TPX2: variants seen among roughly 807,000 people sequenced by gnomAD.
TPX2 encodes TPX2 microtubule nucleation factor, also known as targeting protein for Xklp2.
Under a neutral mutation model 93.6 loss-of-function variants are expected in TPX2, and 21 were observed. That is an observed-to-expected ratio of 0.22 (90% CI 0.16 to 0.32). The LOEUF (loss-of-function observed/expected upper bound fraction) is 0.32, where lower values mean the gene tolerates loss of function less well. TPX2 is among the 10% of genes least tolerant of loss of function. The probability of loss-of-function intolerance (pLI) is 1.00; values close to 1 mark genes in which losing one functional copy is unlikely to be tolerated. For missense variants in TPX2, 776 were observed against 871.1 expected (o/e 0.89, Z 1.37); for synonymous variants, 281 against 298.3 (o/e 0.94, Z 0.60).
intron 4 of TPX2, among the ~76,000 whole-genome samples, chr20:31,762,570 G>A (rs920653310): frequency 8.2e-4 from 124 of 152,094 alleles, no homozygotes; most frequent in African/African-American, 2.8e-3. Flanking sequence ...GGCTGGTCTT[G>A]AACTCCTGAC....
intron 12 of TPX2, among the ~76,000 whole-genome samples, chr20:31,790,603 A>G (rs1046207867): frequency 1.3e-5 from 2 of 152,192 alleles, no homozygotes; most frequent in Admixed American, 6.5e-5. Flanking sequence ...CATTCCAAAC[A>G]TGTTTCGAAC....
At chr20:31,782,023 G>A (rs1219529422) in intron 10 of TPX2, among the ~76,000 whole-genome samples, 1 of 152,198 alleles carries the variant, frequency 6.6e-6, no homozygotes, top group Non-Finnish European at 1.5e-5. Context: ...GAAGATGACA[G>A]TAGAGTTTAC....
intron 12 of TPX2, among the ~76,000 whole-genome samples, chr20:31,788,279 G>A (rs1286927155): frequency 2.6e-5 from 4 of 151,902 alleles, no homozygotes; most frequent in Non-Finnish European, 5.9e-5. Flanking sequence ...TTAGCCGGGC[G>A]TGGTGGCAGG....
intron 12 of TPX2, among the ~76,000 whole-genome samples, chr20:31,784,258 G>A (rs1443412243): frequency 6.6e-6 from 1 of 152,190 alleles, no homozygotes; most frequent in Non-Finnish European, 1.5e-5. Flanking sequence ...ACGATGTACT[G>A]TAGTAATAGT....
intron 5 of TPX2, among the ~76,000 whole-genome samples, chr20:31,769,350 G>C (rs565869904): frequency 7.2e-6 from 1 of 138,838 alleles, no homozygotes; most frequent in Non-Finnish European, 1.5e-5. Context: ...GCGGAGTCTC[G>C]CTCTGTTGCC....
At chr20:31,780,532 T>G (rs2123052174) in intron 10 of TPX2, among the ~76,000 whole-genome samples, 1 of 152,332 alleles carries the variant, frequency 6.6e-6, no homozygotes, top group Middle Eastern at 3.4e-3. Flanking sequence ...AGAATACTAG[T>G]CCTGGCAAAA....
chr20:31,746,784 T>C (rs1275398854), intron 2 of TPX2, among the ~76,000 whole-genome samples: 4 of 152,290 alleles, frequency 2.6e-5, no homozygotes, highest in African/African-American at 9.6e-5. Flanking sequence ...TGAAGAAAGA[T>C]GGGAGGCAAT....
At chr20:31,763,489 A>G (rs887948920) in intron 4 of TPX2, among the ~76,000 whole-genome samples, 2 of 151,940 alleles carry the variant, frequency 1.3e-5, no homozygotes, top group South Asian at 4.1e-4. Context: ...CTGCTTATAC[A>G]TTATTTATGG....
chr20:31,789,621 A>C (rs917790848), intron 12 of TPX2, among the ~76,000 whole-genome samples: 9 of 152,070 alleles, frequency 5.9e-5, no homozygotes, highest in African/African-American at 1.7e-4. Flanking sequence ...ACAAAAAAAA[A>C]CAAAAAAAAA....
At position 31,766,591 on chromosome 20, in the gene TPX2, A is replaced by T. The variant is rs2061927997; in HGVS notation, c.265A>T (p.Asn89Tyr). ...TTACTACAAAGAGGCAGAAAAAGAA[A>T]ATCTTGTGGAACAATCCATTCCGTC... ...NTYYKEAEKENLVEQSIPSNA... is the reference protein window; with the variant it reads ...NTYYKEAEKEYLVEQSIPSNA... Residue 89 changes from asparagine (N) to tyrosine (Y), a missense_variant, in exon 5 of 18, where the codon AAT (asparagine) becomes TAT (tyrosine). By Grantham distance (143) the Asn-to-Tyr change is moderately radical. Transcript: ENST00000300403. The T allele has an allele frequency of 1.2e-6, 2 of 1,613,422 alleles. No homozygotes were observed. Among genetic ancestry groups the T allele is most frequent in the African/African-American group, 1.3e-5 (1 of 74,780 alleles).
intron 2 of TPX2, among the ~76,000 whole-genome samples, chr20:31,753,450 G>A (rs1168455858): frequency 6.6e-6 from 1 of 152,116 alleles, no homozygotes; most frequent in Non-Finnish European, 1.5e-5. Flanking sequence ...GAACACCTCT[G>A]GTAACTGTTT....
chr20:31,759,398 T>G (rs1446060445), intron 3 of TPX2, among the ~76,000 whole-genome samples: 2 of 129,806 alleles, frequency 1.5e-5, no homozygotes, highest in Non-Finnish European at 3.5e-5. Context: ...TTTCTTTCGT[T>G]TTTTTTTTTT....
Position 31,801,237 on chromosome 20 carries a change from C to A in TPX2, c.*157C>A, listed in dbSNP as rs1417314531. The A allele has an allele frequency of 1.7e-6, 1 of 599,682 alleles. No homozygotes were observed. Among genetic ancestry groups the A allele is most frequent in the South Asian group, 2.1e-5 (1 of 46,868 alleles). The allele number at this position is 599,682 out of a possible 1,614,324, so 37.1% of individuals were successfully genotyped here. ...AAAGCATACTTGACAACTGTGGACT[C>A]CAGTTTTGTTGAGAATTGTTTTCTT... On this transcript the variant is annotated 3_prime_UTR_variant, in exon 18 of 18. Transcript: ENST00000300403.
chr20:31,778,707 T>C, intron 9 of TPX2, 106 bp from the exon 10 acceptor site: 1 of 1,078,026 alleles, frequency 9.3e-7, no homozygotes, highest in Non-Finnish European at 1.3e-6. Context: ...TAATCTTGGT[T>C]TTACACAGGC....
In TPX2 at chr20:31,744,010, C is replaced by A. The variant is rs781599134; in HGVS notation, c.-71+1363C>A. ...TGCTAGGATTACAGGCGTGAGCCACCGTGCCTGGCCTTGCAGTTTTTTTTC... is the reference window on the plus strand; with the variant it reads ...TGCTAGGATTACAGGCGTGAGCCACAGTGCCTGGCCTTGCAGTTTTTTTTC... On this transcript the variant is annotated intron_variant, in intron 2 of 17. Coordinates refer to ENST00000300403, the MANE Select transcript of TPX2 (RefSeq NM_012112.5). 2.0e-4 allele frequency among the ~76,000 whole-genome samples: 30 copies of A among 151,660 alleles called. No homozygotes were observed. The South Asian group carries it at 2.1e-3, about 11-fold the overall frequency.
chr20:31,741,762 A>G (rs2061754770), intron 1 of TPX2, among the ~76,000 whole-genome samples: 1 of 152,154 alleles, frequency 6.6e-6, no homozygotes, highest in Non-Finnish European at 1.5e-5. Flanking sequence ...TACAGGTGTG[A>G]GCCACTGTGC....
chr20:31,745,754 T>G (rs1016107036), intron 2 of TPX2, among the ~76,000 whole-genome samples: 4 of 152,248 alleles, frequency 2.6e-5, no homozygotes, highest in Admixed American at 2.6e-4. Flanking sequence ...GCAGCCACAC[T>G]GTCAACCATT....
chr20:31,780,890 T>C (rs1463585803), intron 10 of TPX2: 1 of 382,052 alleles, frequency 2.6e-6, no homozygotes. Context: ...CTTGGTCTTC[T>C]TTTGTTATTT....
chr20:31,783,408 G>A (rs1054709359), intron 11 of TPX2, among the ~76,000 whole-genome samples: 13 of 151,740 alleles, frequency 8.6e-5, no homozygotes, highest in Admixed American at 2.6e-4. Flanking sequence ...GCACCACCAC[G>A]CCCAGCTAAT....
Sources: allele counts gnomAD v4.1 joint callset (sites outside exome capture counted in the v4.1 genomes callset), GRCh38; gene constraint gnomAD v4.1.1; transcripts MANE v1.5; gene names NCBI Gene and HGNC (gene_info 2026-07-23, HGNC 2026-07-21).